BCR: variants seen among roughly 807,000 people sequenced by gnomAD.
BCR encodes the protein breakpoint cluster region protein.
A neutral mutation model predicts 138.6 loss-of-function variants in BCR; 58 were observed. The ratio of observed to expected loss-of-function variants is 0.42; its 90% CI spans 0.34 to 0.52. The LOEUF (loss-of-function observed/expected upper bound fraction) is 0.52. Among genes scored for constraint, BCR ranks in the 20% least tolerant of loss-of-function variants. BCR has a pLI of 0.06. For synonymous variants in BCR, 786 were observed against 730.1 expected, an observed-to-expected ratio of 1.08 and a Z score of -1.23; for missense variants, 1,599 against 1,727.2, an observed-to-expected ratio of 0.93 and a Z score of 1.32.
chr22:23,290,341 G>C lies in BCR; in HGVS notation c.2710G>C (p.Asp904His). The C allele has an allele frequency of 6.2e-7, 1 of 1,614,034 alleles. No homozygotes were observed. Among genetic ancestry groups the C allele is most frequent in the South Asian group, 1.1e-5 (1 of 91,084 alleles). ...SIPLTINKED[D>H]ESPGLYGFLN... ...GACCTCTTTGATCTCTTGCGCAGAT[G>C]ATGAGTCTCCGGGGCTCTATGGGTT... Residue 904 changes from aspartate (D) to histidine (H), a missense_variant and splice_region_variant, in exon 14 of 23, where the codon GAT (aspartate) becomes CAT (histidine). Coordinates refer to ENST00000305877, the MANE Select transcript of BCR (RefSeq NM_004327.4).
intron 1 of BCR, among the ~76,000 whole-genome samples, chr22:23,236,321 G>C (rs893728726): frequency 2.6e-5 from 4 of 152,212 alleles, no homozygotes; most frequent in Non-Finnish European, 4.4e-5. Context: ...CGCACTCTAT[G>C]ACTGAGCAGC....
chr22:23,206,576 CAA>C (rs559810867), intron 1 of BCR, among the ~76,000 whole-genome samples: 18 of 89,646 alleles, frequency 2.0e-4, no homozygotes, highest in Middle Eastern at 6.6e-3. Context: ...GACTCCGTCT[CAA>C]AAAAAAAAAA....
chr22:23,292,519 C>G (rs779598291), intron 14 of BCR, 22 bp from the exon 15 acceptor site: 5 of 1,578,380 alleles, frequency 3.2e-6, no homozygotes, highest in Non-Finnish European at 4.4e-6. Flanking sequence ...GTGACCTTCT[C>G]CATGTCCACT....
intron 1 of BCR, among the ~76,000 whole-genome samples, chr22:23,187,127 G>A (rs1225649738): frequency 1.3e-5 from 2 of 152,202 alleles, no homozygotes; most frequent in Non-Finnish European, 2.9e-5. Context: ...CATACTGGAA[G>A]AGCCCTTCCT....
intron 1 of BCR, among the ~76,000 whole-genome samples, chr22:23,243,524 T>TC (rs2073121205): frequency 6.6e-6 from 1 of 151,852 alleles, no homozygotes; most frequent in Non-Finnish European, 1.5e-5. Flanking sequence ...CCATGGAAGC[T>TC]CCCCCACAAT....
intron 19 of BCR, among the ~76,000 whole-genome samples, chr22:23,312,178 AC>A (rs1244361005): frequency 6.6e-6 from 1 of 152,194 alleles, no homozygotes; most frequent in Non-Finnish European, 1.5e-5. Context: ...GGCAGAGGGC[AC>A]TGATGAAATT....
intron 1 of BCR, among the ~76,000 whole-genome samples, chr22:23,208,932 A>G (rs1373998818): frequency 1.3e-5 from 2 of 152,292 alleles, no homozygotes; most frequent in East Asian, 1.9e-4. Context: ...CCACTGTTCT[A>G]CTTTCTGTAT....
In BCR at chr22:23,181,328, C is replaced by T; in HGVS notation, c.368C>T (p.Pro123Leu). ...GCCCGGCCCGACGGCGAGGGTTCTC[C>T]GGGTAAGGCCAGGCCCGGGACCGCC... Reference protein sequence around the residue: ...PEARPDGEGSPGKARPGTARR... With the variant: ...PEARPDGEGSLGKARPGTARR... Residue 123 changes from proline (P) to leucine (L), a missense_variant, in exon 1 of 23, where the codon CCG becomes CTG. Around this residue, in one of 4 missense-constraint regions of BCR, gnomAD observed 806 missense variants for 635.0 expected, o/e 1.27. Coordinates refer to ENST00000305877, the MANE Select transcript of BCR (RefSeq NM_004327.4). 2.1e-6 allele frequency: 3 copies of T among 1,401,070 alleles called. No individual in the cohort carries two copies. Among genetic ancestry groups the T allele is most frequent in the South Asian group, 1.6e-5 (1 of 62,940 alleles). The allele number at this position is 1,401,070 out of a possible 1,614,324, so 86.8% of individuals were successfully genotyped here.
At chr22:23,285,246 G>A (rs1175117894) in intron 10 of BCR, 45 bp downstream of exon 10, 11 of 1,569,072 alleles carry the variant, frequency 7.0e-6, no homozygotes, top group Non-Finnish European at 8.7e-6. Flanking sequence ...TGGTCAGAGT[G>A]GCAGCAGCCC....
At chr22:23,217,853 G>A (rs1189512417) in intron 1 of BCR, among the ~76,000 whole-genome samples, 1 of 152,228 alleles carries the variant, frequency 6.6e-6, no homozygotes, top group Non-Finnish European at 1.5e-5. Flanking sequence ...GGGATCCCGG[G>A]TAGGCGGTGA....
chr22:23,184,180 C>T (rs1270436215), intron 1 of BCR, among the ~76,000 whole-genome samples: 8 of 152,180 alleles, frequency 5.3e-5, no homozygotes, highest in African/African-American at 1.9e-4. Context: ...CCTCAAAACT[C>T]TTGGGCTCAG....
At chr22:23,266,456 C>T (rs1177086375) in intron 4 of BCR, among the ~76,000 whole-genome samples, 9 of 151,872 alleles carry the variant, frequency 5.9e-5, no homozygotes, top group Non-Finnish European at 1.3e-4. Context: ...GTGGCGTGAT[C>T]TTAGCTCCTT....
rs192294431 is a variant in BCR, at chr22:23,303,159, A to G, written c.3013-6265A>G. On this transcript the variant is annotated intron_variant, in intron 16 of 22. Coordinates refer to ENST00000305877, the MANE Select transcript of BCR (RefSeq NM_004327.4). ...TATATATAAACTCTAGATCCATTAA[A>G]CAATGTATTATTACATAACTTATAG... Among the ~76,000 whole-genome samples, 790 of 152,254 alleles carry G rather than the reference A, an allele frequency of 5.2e-3. 9 individuals are homozygous for G. The highest frequency in any genetic ancestry group is 0.019 in the African/African-American group (771 of 41,522).
chr22:23,196,783 A>G (rs8138361), intron 1 of BCR, among the ~76,000 whole-genome samples: 38,571 of 151,910 alleles, frequency 0.25, 5,037 homozygotes, highest in East Asian at 0.35. Context: ...CCGGCCTGAC[A>G]GGAGGTAGAG....
chr22:23,246,444 G>A (rs982328173), intron 1 of BCR, among the ~76,000 whole-genome samples: 1 of 152,156 alleles, frequency 6.6e-6, no homozygotes, highest in African/African-American at 2.4e-5. Context: ...TAATGCTTCT[G>A]TGAACATTCT....
chr22:23,235,133 C>T (rs1049065908), intron 1 of BCR, among the ~76,000 whole-genome samples: 12 of 144,076 alleles, frequency 8.3e-5, no homozygotes, highest in African/African-American at 2.7e-4. Context: ...GATGGAGTCT[C>T]TCGCTCTGTC....
intron 8 of BCR, among the ~76,000 whole-genome samples, chr22:23,281,377 G>A (rs2073642554): frequency 6.6e-6 from 1 of 152,248 alleles, no homozygotes; most frequent in Admixed American, 6.5e-5. Context: ...CACCCTTGCC[G>A]TGTGCCCTGG....
chr22:23,290,372 A>G lies in BCR; in HGVS notation c.2741A>G (p.Asn914Ser), dbSNP rs993044700. The part of the protein sequence containing the change: ...DESPGLYGFL[N>S]VIVHSATGFK... ...TCTCCGGGGCTCTATGGGTTTCTGAATGTCATCGTCCACTCAGCCACTGGA... is the reference window on the plus strand; with the variant it reads ...TCTCCGGGGCTCTATGGGTTTCTGAGTGTCATCGTCCACTCAGCCACTGGA... The change falls in exon 14 of 23, where the codon AAT becomes AGT. Residue 914 changes from asparagine to serine, a missense_variant. By Grantham distance (46) the Asn-to-Ser change is conservative. Around this residue, in one of 4 missense-constraint regions of BCR, gnomAD observed 590 missense variants for 762.4 expected, o/e 0.77. Transcript: ENST00000305877. 36 of 1,613,964 alleles carry G rather than the reference A, an allele frequency of 2.2e-5. No homozygotes were observed. In the Admixed American group the frequency reaches 5.5e-4, roughly 25 times the overall value.
At chr22:23,231,890 CTCTT>C (rs1246329861) in intron 1 of BCR, among the ~76,000 whole-genome samples, 1 of 152,168 alleles carries the variant, frequency 6.6e-6, no homozygotes, top group Non-Finnish European at 1.5e-5. Context: ...TCTTCCTGTT[CTCTT>C]TCTTGGCCCT....
Sources: gnomAD v4.1 joint callset for allele counts (sites outside exome capture counted in the v4.1 genomes callset) on GRCh38, gnomAD v4.1.1 for gene constraint, gnomAD v4.1.1 regional missense constraint, MANE v1.5 for transcripts, NCBI Gene and HGNC (gene_info 2026-07-23, HGNC 2026-07-21) for gene names.